SGSM1: variants seen among roughly 807,000 people sequenced by gnomAD.
The protein encoded by SGSM1 is RUN and TBC1 domain containing 2.
SGSM1 carries 73 observed loss-of-function variants against 133.8 expected under a neutral mutation model. The observed-to-expected ratio is 0.55, with a 90% CI of 0.45 to 0.66. The LOEUF is 0.66. Ranked by LOEUF, SGSM1 falls within the 30% of genes least tolerant of loss-of-function variation. The probability of loss-of-function intolerance (pLI) is 0.00; values close to 1 mark genes in which losing one functional copy is unlikely to be tolerated. For synonymous variants in SGSM1, 563 were observed against 573.0 expected (o/e 0.98, Z 0.25); for missense variants, 1,213 against 1,448.1 (o/e 0.84, Z 2.64).
chr22:24,825,259 T>C (rs185072783), intron 2 of SGSM1, among the ~76,000 whole-genome samples: 109 of 152,098 alleles, frequency 7.2e-4, no homozygotes, highest in African/African-American at 2.5e-3. Flanking sequence ...CAGGTAGGGC[T>C]GGAGATGTTG....
chr22:24,886,674 G>A lies in SGSM1; in HGVS notation c.1716G>A (p.Trp572Ter). 1 of 1,571,704 alleles carries A rather than the reference G, an allele frequency of 6.4e-7. No homozygotes were observed. The highest frequency in any genetic ancestry group is 8.6e-7 in the Non-Finnish European group (1 of 1,158,874). Residue 572 changes from tryptophan to a stop codon, truncating the protein, a stop_gained, in exon 16 of 25, where the codon TGG becomes TGA. Transcript: ENST00000400358. LOFTEE classifies it high-confidence loss of function. ...AGCCTGAGATCCGCAAGGCCGTGTG[G>A]CCCTTCCTCCTGGGCCACTACCAGT... is the stretch of plus-strand genomic sequence containing the variant. ...GIQPEIRKAV[W>*]PFLLGHYQFG...
chr22:24,920,017 T>C, intron 24 of SGSM1, 24 bp downstream of exon 24: 2 of 1,571,176 alleles, frequency 1.3e-6, no homozygotes, highest in Non-Finnish European at 1.7e-6. Context: ...TGGGGCCTCA[T>C]GAGAGGGGTG....
At position 24,818,147 on chromosome 22, in the gene SGSM1, G is replaced by A. The variant is rs576867194; in HGVS notation, c.63+11663G>A. ...CTCAGGAGGCTGAGGCAGGAGAATC[G>A]CTTCAACCCAGGAGGCAGAGGTAGC... On this transcript the variant is annotated intron_variant, in intron 2 of 24. Coordinates refer to ENST00000400358, the MANE Select transcript of SGSM1 (RefSeq NM_001098497.3). Among the ~76,000 whole-genome samples the A allele has an allele frequency of 3.1e-3, 464 of 151,344 alleles. 4 individuals are homozygous for A. The highest frequency in any genetic ancestry group is 0.01 in the African/African-American group (419 of 41,256).
chr22:24,922,479 C>CT (rs374456980), intron 24 of SGSM1, among the ~76,000 whole-genome samples: 26,294 of 128,438 alleles, frequency 0.2, 3,392 homozygotes, highest in East Asian at 0.59. Flanking sequence ...TGTGCCCGGC[C>CT]TTTTTTTTTT....
chr22:24,874,748 T>G (rs1023157045), intron 12 of SGSM1, among the ~76,000 whole-genome samples: 2 of 152,096 alleles, frequency 1.3e-5, no homozygotes, highest in Non-Finnish European at 2.9e-5. Flanking sequence ...CAGCTTGCAG[T>G]GTTGTAGGTT....
chr22:24,865,320 G>A (rs1931385394), intron 9 of SGSM1, among the ~76,000 whole-genome samples: 2 of 152,230 alleles, frequency 1.3e-5, no homozygotes, highest in Admixed American at 1.3e-4. Context: ...GGCTGTGGGA[G>A]CCCAGAGAAG....
At position 24,806,270 on chromosome 22, in the gene SGSM1, TACCGCCGCC is replaced by T. The variant is rs540497759; in HGVS notation, c.-40_-32del. 3.5e-5 allele frequency: 49 copies of T among 1,397,364 alleles called. No homozygotes were observed. Among genetic ancestry groups the T allele is most frequent in the Middle Eastern group, 2.6e-4 (1 of 3,870 alleles). The allele number at this position is 1,397,364 out of a possible 1,614,324, so 86.6% of individuals were successfully genotyped here. On this transcript the variant is annotated 5_prime_UTR_variant, in exon 1 of 25. Transcript: ENST00000400358. ...GCAGCAGCGCCGCGGCCGGAGGAGC[TACCGCCGCC>T]ACCGCCGCCACCGCCTCCTGGGACT...
At chr22:24,875,714 G>A (rs1461166045) in intron 12 of SGSM1, among the ~76,000 whole-genome samples, 1 of 152,024 alleles carries the variant, frequency 6.6e-6, no homozygotes, top group Non-Finnish European at 1.5e-5. Flanking sequence ...ACTACCAAGA[G>A]GCCAGGAAGT....
intron 13 of SGSM1, 133 bp from the exon 14 acceptor site, chr22:24,879,329 C>T (rs1030629872): frequency 1.3e-6 from 1 of 753,318 alleles, no homozygotes; most frequent in South Asian, 1.7e-5. Flanking sequence ...GAGGTAATAG[C>T]AGCCCTCCCT....
intron 19 of SGSM1, among the ~76,000 whole-genome samples, chr22:24,900,681 G>A (rs187813592): frequency 4.6e-5 from 7 of 152,312 alleles, no homozygotes; most frequent in Admixed American, 1.3e-4. Context: ...ACAGGCATGA[G>A]CCACGGCGCC....
intron 14 of SGSM1, among the ~76,000 whole-genome samples, chr22:24,881,571 C>A (rs6004342): frequency 0.73 from 108,225 of 148,926 alleles, 39,694 homozygotes; most frequent in Non-Finnish European, 0.77. Context: ...GTCTCAAAAA[C>A]AAAACAAAAC....
chr22:24,840,299 T>C lies in SGSM1; in HGVS notation c.64-4598T>C, dbSNP rs575569722. On this transcript the variant is annotated intron_variant, in intron 2 of 24. Transcript: ENST00000400358. ...TTCTCTGTTTTTAAATTATCTTTCA[T>C]TTATGGCTGCTCTAATCTTTATTTT... Among the ~76,000 whole-genome samples, 3 of 152,154 alleles carry C rather than the reference T, an allele frequency of 2.0e-5. No individual in the cohort carries two copies. In the South Asian group the frequency reaches 6.2e-4, roughly 32 times the overall value.
At chr22:24,858,796 G>A (rs979281253) in intron 8 of SGSM1, among the ~76,000 whole-genome samples, 6 of 152,224 alleles carry the variant, frequency 3.9e-5, no homozygotes, top group Admixed American at 6.5e-5. Context: ...AAGTTGAATC[G>A]CAGTCAAATC....
chr22:24,884,121 G>T lies in SGSM1; in HGVS notation c.1564G>T (p.Val522Leu), dbSNP rs199940405. 2.1e-5 allele frequency: 34 copies of T among 1,613,722 alleles called. No homozygotes were observed. Among genetic ancestry groups the T allele is most frequent in the Non-Finnish European group, 2.4e-5 (28 of 1,179,862 alleles). Residue 522 changes from valine to leucine, a missense_variant, in exon 15 of 25, where the codon GTG (valine) becomes TTG (leucine). By Grantham distance (32) the Val-to-Leu change is conservative. Coordinates refer to ENST00000400358, the MANE Select transcript of SGSM1 (RefSeq NM_001098497.3). ...HLSALVNHMI[V>L]SPDLPCDAGQ... is the part of the protein sequence containing the mutation. ...ATCAGCCCTGGTCAATCACATGATC[G>T]TGTCTCCAGACTTGCCCTGCGATGC...
chr22:24,872,501 G>T (rs893488851), intron 12 of SGSM1, among the ~76,000 whole-genome samples: 1 of 151,754 alleles, frequency 6.6e-6, no homozygotes, highest in Non-Finnish European at 1.5e-5. Context: ...AAAAAAAAAA[G>T]TCTCAATAAT....
At chr22:24,895,128 C>A (rs5760713) in intron 17 of SGSM1, 95 bp from the exon 18 acceptor site, 269,855 of 1,232,236 alleles carry the variant, frequency 0.22, 36,703 homozygotes, top group East Asian at 0.54. Flanking sequence ...AATAGAGATG[C>A]AACTAGACTT....
At chr22:24,853,136 G>A (rs527937028) in intron 5 of SGSM1, among the ~76,000 whole-genome samples, 6 of 152,314 alleles carry the variant, frequency 3.9e-5, no homozygotes, top group African/African-American at 1.2e-4. Flanking sequence ...AGCTCAGAGA[G>A]GGGTGTCACT....
intron 6 of SGSM1, 30 bp downstream of exon 6, chr22:24,855,093 T>G: frequency 6.2e-7 from 1 of 1,605,914 alleles, no homozygotes; most frequent in Non-Finnish European, 8.5e-7. Flanking sequence ...GAGCTTCATC[T>G]AGACCCGTGG....
Position 24,847,632 on chromosome 22 carries a change from A to G in SGSM1, c.140-2A>G. The G allele has an allele frequency of 6.2e-7, 1 of 1,613,028 alleles. No homozygotes were observed. The highest frequency in any genetic ancestry group is 8.5e-7 in the Non-Finnish European group (1 of 1,179,528). On this transcript the variant is annotated splice_acceptor_variant, in intron 3 of 24. Coordinates refer to ENST00000400358, the MANE Select transcript of SGSM1 (RefSeq NM_001098497.3). LOFTEE classifies it high-confidence loss of function. ...GGTCTGCTGACTGCCATGTCCCTGC[A>G]GCGGCTGTGGAGGCCTGCGTTCTGC...
Sources: allele counts gnomAD v4.1 joint callset (sites outside exome capture counted in the v4.1 genomes callset), GRCh38; gene constraint gnomAD v4.1.1; transcripts MANE v1.5; gene names NCBI Gene and HGNC (gene_info 2026-07-23, HGNC 2026-07-21).